The following STK32C variants were observed in gnomAD, a reference collection of about 807,000 sequenced individuals.
The protein encoded by STK32C is serine/threonine-protein kinase 32C.
In STK32C, 31 loss-of-function variants were observed where a neutral mutation model predicts 56.5. The observed-to-expected ratio is 0.55, with a 90% CI of 0.41 to 0.74. STK32C has a LOEUF of 0.74. Ranked by LOEUF, STK32C falls within the 30% of genes least tolerant of loss-of-function variation. The pLI is 0.00. For synonymous variants in STK32C, 309 were observed against 289.4 expected, an observed-to-expected ratio of 1.07 and a Z score of -0.69; for missense variants, 544 against 676.9, an observed-to-expected ratio of 0.80 and a Z score of 2.18.
rs79883260 is a variant in STK32C, at chr10:132,303,184, G to C, written c.262+4388C>G. Among the ~76,000 whole-genome samples the C allele has an allele frequency of 8.5e-5, 13 of 152,318 alleles. No homozygotes were observed. In the East Asian group the frequency reaches 2.3e-3, roughly 27 times the overall value. On this transcript the variant is annotated intron_variant, in intron 1 of 11. Transcript: ENST00000298630. ...GCGTGGGAGGCCTCAGATCCCTACAGGGGGAAACATCCTAACTGCACTCAT... is the reference window on the plus strand; with the variant it reads ...GCGTGGGAGGCCTCAGATCCCTACACGGGGAAACATCCTAACTGCACTCAT...
chr10:132,299,470 G>A (rs1320905710), intron 1 of STK32C, among the ~76,000 whole-genome samples: 1 of 152,174 alleles, frequency 6.6e-6, no homozygotes, highest in Non-Finnish European at 1.5e-5. Context: ...ACGAGACCCA[G>A]CAGCATGGAC....
At chr10:132,232,465 C>T (rs370900143) in intron 2 of STK32C, among the ~76,000 whole-genome samples, 66 of 152,158 alleles carry the variant, frequency 4.3e-4, no homozygotes, top group African/African-American at 1.3e-3. Flanking sequence ...CCTCAGCACC[C>T]GAGATCACGC....
At chr10:132,225,156 C>A in intron 7 of STK32C, 77 bp downstream of exon 7, 1 of 1,246,612 alleles carries the variant, frequency 8.0e-7, no homozygotes, top group Non-Finnish European at 1.1e-6. Flanking sequence ...CTGGGGCAGC[C>A]ACCCCCTCCC....
chr10:132,242,966 C>G (rs1358959140), intron 2 of STK32C, among the ~76,000 whole-genome samples: 1 of 152,138 alleles, frequency 6.6e-6, no homozygotes, highest in Non-Finnish European at 1.5e-5. Flanking sequence ...TTAAGAGATG[C>G]GTGTCCAGAG....
In STK32C at chr10:132,285,931, T is replaced by C. The variant is rs575125385; in HGVS notation, c.262+21641A>G. On this transcript the variant is annotated intron_variant, in intron 1 of 11. Coordinates refer to ENST00000298630, the MANE Select transcript of STK32C (RefSeq NM_173575.4). The stretch of plus-strand genomic sequence containing the variant: ...GGTCAGGAGATGGAGATGACCATCC[T>C]GGCTAACACAGTGAAATCCCATCTC... Among the ~76,000 whole-genome samples, 12 of 152,258 alleles carry C rather than the reference T, an allele frequency of 7.9e-5. No individual in the cohort carries two copies. The East Asian group carries it at 2.3e-3, about 29-fold the overall frequency.
At chr10:132,327,725 C>T (rs1219896457) in intron 1 of STK32C, among the ~76,000 whole-genome samples, 1 of 152,162 alleles carries the variant, frequency 6.6e-6, no homozygotes, top group Non-Finnish European at 1.5e-5. Context: ...GATCCGCCCG[C>T]CTCAGCCTCC....
chr10:132,225,958 G>T lies in STK32C; in HGVS notation c.645-174C>A, dbSNP rs559564272. On this transcript the variant is annotated intron_variant, in intron 4 of 11. Transcript: ENST00000298630. ...CTAGGACCTCACACCCCTGCGTGGG[G>T]GCAGAGGCGATGAAGTCAGCCACTT... is the stretch of plus-strand genomic sequence containing the variant. Among the ~76,000 whole-genome samples, 8 of 152,348 alleles carry T rather than the reference G, an allele frequency of 5.3e-5. No individual in the cohort carries two copies. In the East Asian group the frequency reaches 1.5e-3, roughly 29 times the overall value.
chr10:132,241,927 C>A (rs966450012), intron 2 of STK32C, among the ~76,000 whole-genome samples: 1 of 152,016 alleles, frequency 6.6e-6, no homozygotes, highest in Non-Finnish European at 1.5e-5. Context: ...GAGAACATAG[C>A]GAAACCCTGT....
At position 132,226,983 on chromosome 10, in the gene STK32C, G is replaced by A. The variant is rs1565080396; in HGVS notation, c.471-15C>T. The A allele has an allele frequency of 6.2e-7, 1 of 1,612,762 alleles. No homozygotes were observed. The highest frequency in any genetic ancestry group is 1.3e-5 in the African/African-American group (1 of 75,060). On this transcript the variant is annotated splice_polypyrimidine_tract_variant and intron_variant, in intron 3 of 11. Transcript: ENST00000298630. ...GGAAGGAGTACCTGTGGGCACCGATGGAAGGCCTGTTGTGCGCACAGCTGG... is the reference window on the plus strand; with the variant it reads ...GGAAGGAGTACCTGTGGGCACCGATAGAAGGCCTGTTGTGCGCACAGCTGG...
chr10:132,266,811 C>T (rs556933632), intron 1 of STK32C, among the ~76,000 whole-genome samples: 4 of 148,538 alleles, frequency 2.7e-5, no homozygotes, highest in East Asian at 4.1e-4. Flanking sequence ...ACCGGTGGGG[C>T]GGGGGGACTC....
intron 1 of STK32C, among the ~76,000 whole-genome samples, chr10:132,268,684 C>T (rs549547447): frequency 3.4e-3 from 410 of 120,974 alleles, no homozygotes; most frequent in Middle Eastern, 0.028. Flanking sequence ...CAGCTCTATG[C>T]CTGTCTGTGC....
At chr10:132,265,198 A>G (rs187717012) in intron 1 of STK32C, among the ~76,000 whole-genome samples, 107 of 127,570 alleles carry the variant, frequency 8.4e-4, no homozygotes, top group African/African-American at 2.9e-3. Flanking sequence ...CCGCAAGGGC[A>G]GTGAGGTGGG....
At position 132,301,804 on chromosome 10, in the gene STK32C, G is replaced by A. The variant is rs189753224; in HGVS notation, c.262+5768C>T. The stretch of plus-strand genomic sequence containing the variant: ...AAATTAAAAGTCCACACCGCGAGGC[G>A]CCCTCTGATGACTGGCAACCCCGTG... On this transcript the variant is annotated intron_variant, in intron 1 of 11. Coordinates refer to ENST00000298630, the MANE Select transcript of STK32C (RefSeq NM_173575.4). Among the ~76,000 whole-genome samples, 31 of 152,328 alleles carry A rather than the reference G, an allele frequency of 2.0e-4. 1 individual carries two copies. The highest frequency in any genetic ancestry group is 1.2e-3 in the South Asian group (6 of 4,830).
At chr10:132,322,005 C>G (rs571811878), downstream of STK32C, among the ~76,000 whole-genome samples, 4 of 152,268 alleles carry the variant, frequency 2.6e-5, no homozygotes, top group East Asian at 5.8e-4. Context: ...CAGATGCTCC[C>G]AAGATATTGA....
At chr10:132,213,366 G>A (rs1057103996) in intron 10 of STK32C, among the ~76,000 whole-genome samples, 10 of 152,196 alleles carry the variant, frequency 6.6e-5, no homozygotes, top group African/African-American at 1.9e-4. Context: ...CAGGGCCTCC[G>A]CAGTGTGACA....
Position 132,251,974 on chromosome 10 carries a change from G to A in STK32C, c.263-6019C>T, listed in dbSNP as rs565158447. Among the ~76,000 whole-genome samples the A allele has an allele frequency of 1.0e-4, 15 of 143,724 alleles. 1 individual carries two copies. In the South Asian group the frequency reaches 3.1e-3, roughly 30 times the overall value. 94.3% of individuals were successfully genotyped at this position (143,724 alleles called of 152,430 possible). ...AGGTCAATGCCCTACGCCTCCTGGG[G>A]CCTCAGACCCTCCACTACTCACCAC... On this transcript the variant is annotated intron_variant, in intron 1 of 11. Transcript: ENST00000298630.
chr10:132,266,503 G>C (rs2064534140), intron 1 of STK32C, among the ~76,000 whole-genome samples: 1 of 152,212 alleles, frequency 6.6e-6, no homozygotes, highest in South Asian at 2.1e-4. Flanking sequence ...ATCTAGATCA[G>C]GGACATTCTG....
intron 1 of STK32C, among the ~76,000 whole-genome samples, chr10:132,266,709 G>A (rs1318771356): frequency 6.6e-6 from 1 of 151,930 alleles, no homozygotes; most frequent in South Asian, 2.1e-4. Context: ...GGGCGTGGGT[G>A]GGGGAGGCGC....
upstream of STK32C, among the ~76,000 whole-genome samples, chr10:132,309,448 T>C (rs2066178919): frequency 2.0e-5 from 3 of 152,342 alleles, no homozygotes; most frequent in Admixed American, 6.5e-5. Context: ...TTAGAGGGTA[T>C]TTTTATGGCA....
Sources: allele counts gnomAD v4.1 joint callset (sites outside exome capture counted in the v4.1 genomes callset), GRCh38; gene constraint gnomAD v4.1.1; transcripts MANE v1.5; gene names NCBI Gene and HGNC (gene_info 2026-07-23, HGNC 2026-07-21).